The following MTR variants were observed in gnomAD, a reference collection of about 807,000 sequenced individuals.
MTR encodes the protein 5-methyltetrahydrofolate-homocysteine methyltransferase.
Under a neutral mutation model 154.8 loss-of-function variants are expected in MTR, and 84 were observed. That is an observed-to-expected ratio of 0.54 (90% confidence interval 0.45 to 0.65). MTR has a LOEUF of 0.65. Ranked by LOEUF, MTR falls within the 30% of genes least tolerant of loss-of-function variation. The pLI, the probability that MTR is intolerant of heterozygous loss-of-function variation, is 0.00. For missense variants in MTR, 1,275 were observed against 1,570.2 expected (o/e 0.81, Z 3.18); for synonymous variants, 554 against 553.9 (o/e 1.00, Z 0.00).
Position 236,885,126 on chromosome 1 carries a change from C to T in MTR, c.2682C>T (p.Ser894=), listed in dbSNP as rs779104396. ...LDASKSVVVC[S]QLLDENLKDE... The stretch of plus-strand genomic sequence containing the variant: ...TGGCTATCTTGCATTTTCAGTGTTC[C>T]CAGCTGTTAGATGAAAATCTAAAGG... The change falls in exon 26 of 33, where the codon TCC becomes TCT. Residue 894 remains serine (S), a synonymous_variant. Transcript: ENST00000366577. 1.2e-6 allele frequency: 2 copies of T among 1,602,422 alleles called. No individual in the cohort carries two copies. Among genetic ancestry groups the T allele is most frequent in the African/African-American group, 1.3e-5 (1 of 74,584 alleles).
At position 236,852,504 on chromosome 1, in the gene MTR, T is replaced by G; in HGVS notation, c.1696-17T>G. On this transcript the variant is annotated splice_polypyrimidine_tract_variant and intron_variant, in intron 16 of 32. Coordinates refer to ENST00000366577, the MANE Select transcript of MTR (RefSeq NM_000254.3). Reference sequence around the variant, plus strand: ...GCAAAAAAGGGGAATCTTTTCATATTTTAAAATTTTTGCCAGGAAACATTA... The same window carrying G: ...GCAAAAAAGGGGAATCTTTTCATATGTTAAAATTTTTGCCAGGAAACATTA... 6.3e-7 allele frequency: 1 copy of G among 1,594,154 alleles called. No individual in the cohort carries two copies. Among genetic ancestry groups the G allele is most frequent in the South Asian group, 1.1e-5 (1 of 90,690 alleles).
At chr1:236,811,858 A>C (rs2103044128) in intron 5 of MTR, among the ~76,000 whole-genome samples, 1 of 152,338 alleles carries the variant, frequency 6.6e-6, no homozygotes, top group Non-Finnish European at 1.5e-5. Context: ...ATATTGTCTC[A>C]GTCAAAGTTG....
chr1:236,836,129 C>T (rs1202125079), intron 14 of MTR, among the ~76,000 whole-genome samples: 1 of 152,048 alleles, frequency 6.6e-6, no homozygotes, highest in Non-Finnish European at 1.5e-5. Flanking sequence ...ATTATGTCAG[C>T]TTTTACATTT....
chr1:236,879,140 CAAT>C (rs1434831527), intron 24 of MTR, among the ~76,000 whole-genome samples: 4 of 152,198 alleles, frequency 2.6e-5, no homozygotes, highest in Non-Finnish European at 5.9e-5. Context: ...AAAATTACCT[CAAT>C]GATCCACATT....
At chr1:236,861,758 AAC>A (rs1268270095) in intron 20 of MTR, among the ~76,000 whole-genome samples, 1 of 152,226 alleles carries the variant, frequency 6.6e-6, no homozygotes, top group Non-Finnish European at 1.5e-5. Context: ...CACATCAGTT[AAC>A]ACATACTTGT....
intron 2 of MTR, among the ~76,000 whole-genome samples, chr1:236,804,760 T>G (rs1660883561): frequency 6.6e-6 from 1 of 152,190 alleles, no homozygotes; most frequent in Admixed American, 6.5e-5. Flanking sequence ...ACCACTGATA[T>G]TAGTTGGTGT....
At chr1:236,812,707 T>C in intron 5 of MTR, 31 bp from the exon 6 acceptor site, 1 of 1,573,698 alleles carries the variant, frequency 6.4e-7, no homozygotes, top group Non-Finnish European at 8.7e-7. Context: ...TATTGATGAC[T>C]GATGTGCTGG....
intron 22 of MTR, among the ~76,000 whole-genome samples, chr1:236,867,452 T>C (rs1033050989): frequency 9.2e-5 from 14 of 152,196 alleles, no homozygotes; most frequent in African/African-American, 3.4e-4. Context: ...ACAAGAATTC[T>C]GATAGAGATA....
At chr1:236,862,182 A>C in intron 20 of MTR, 54 bp from the exon 21 acceptor site, 1 of 1,440,524 alleles carries the variant, frequency 6.9e-7, no homozygotes, top group Non-Finnish European at 9.8e-7. Context: ...AGTGGCCATC[A>C]GCAGTTGTTC....
At chr1:236,801,312 A>T (rs1660687380) in intron 1 of MTR, among the ~76,000 whole-genome samples, 1 of 152,242 alleles carries the variant, frequency 6.6e-6, no homozygotes, top group South Asian at 2.1e-4. Flanking sequence ...GGCTTTGGAA[A>T]GGAATAGTAC....
At position 236,894,453 on chromosome 1, in the gene MTR, G is replaced by T. The variant is rs1300499137; in HGVS notation, c.3301G>T (p.Ala1101Ser). 1 of 1,614,204 alleles carries T rather than the reference G, an allele frequency of 6.2e-7. No individual in the cohort carries two copies. The highest frequency in any genetic ancestry group is 1.1e-5 in the South Asian group (1 of 91,082). ...CATCCGTGACTACCTGGGCCTGTTT[G>T]CCGTTGCCTGCTTTGGGGTAGAAGA... ...SGIRDYLGLF[A>S]VACFGVEELS... Residue 1101 changes from alanine (A) to serine (S), a missense_variant, in exon 30 of 33, where the codon GCC becomes TCC. Transcript: ENST00000366577.
intron 16 of MTR, among the ~76,000 whole-genome samples, chr1:236,850,958 C>T (rs1663865480): frequency 6.6e-6 from 1 of 152,174 alleles, no homozygotes; most frequent in Admixed American, 6.5e-5. Flanking sequence ...TCTCCTTTTC[C>T]AGTTACACCT....
At position 236,850,329 on chromosome 1, in the gene MTR, T is replaced by C; in HGVS notation, c.1516-15T>C. 8 of 1,603,904 alleles carry C rather than the reference T, an allele frequency of 5.0e-6. No homozygotes were observed. Among genetic ancestry groups the C allele is most frequent in the Non-Finnish European group, 6.8e-6 (8 of 1,173,246 alleles). On this transcript the variant is annotated splice_polypyrimidine_tract_variant and intron_variant, in intron 15 of 32. Transcript: ENST00000366577. ...TTTTTCTATTTCAAACTACATCTTT[T>C]GCTCTTTTCCCTAGGCAACAGAAAC...
At position 236,899,669 on chromosome 1, in the gene MTR, A is replaced by G. The variant is rs1020902651; in HGVS notation, c.*2025A>G. The G allele has an allele frequency of 2.0e-5, 3 of 152,254 alleles. No homozygotes were observed. Among genetic ancestry groups the G allele is most frequent in the Non-Finnish European group, 2.9e-5 (2 of 68,048 alleles). The allele number at this position is 152,254 out of a possible 1,614,324, so 9.4% of individuals were successfully genotyped here. A position where few individuals can be genotyped will look rare whatever the true frequency, so the allele number is the denominator to read the frequency against. On this transcript the variant is annotated 3_prime_UTR_variant, in exon 33 of 33. Coordinates refer to ENST00000366577, the MANE Select transcript of MTR (RefSeq NM_000254.3). ...AATTCTGTTAAAACTCAAGGCTTATATTAAGCAAACACTTGAAGTGAGAAG... is the reference window on the plus strand; with the variant it reads ...AATTCTGTTAAAACTCAAGGCTTATGTTAAGCAAACACTTGAAGTGAGAAG...
At position 236,850,398 on chromosome 1, in the gene MTR, G is replaced by A; in HGVS notation, c.1570G>A (p.Val524Met). 1 of 1,613,686 alleles carries A rather than the reference G, an allele frequency of 6.2e-7. No individual in the cohort carries two copies. The part of the protein sequence containing the change: ...RVCTRAYHLL[V>M]KKLGFNPNDI... The stretch of plus-strand genomic sequence containing the variant: ...GTGCACCCGGGCCTACCATCTGCTT[G>A]TGAAAAAACTGGGCTTTAATCCAAA... Residue 524 changes from valine to methionine, a missense_variant, in exon 16 of 33, where the codon GTG becomes ATG. By Grantham distance (21) the Val-to-Met change is conservative. Coordinates refer to ENST00000366577, the MANE Select transcript of MTR (RefSeq NM_000254.3).
chr1:236,851,397 G>T (rs974081831), intron 16 of MTR, among the ~76,000 whole-genome samples: 3 of 152,202 alleles, frequency 2.0e-5, no homozygotes, highest in Non-Finnish European at 2.9e-5. Context: ...GCACAAGAAG[G>T]CTGTGATGTT....
intron 15 of MTR, among the ~76,000 whole-genome samples, chr1:236,847,508 C>T (rs998578876): frequency 6.6e-6 from 1 of 152,248 alleles, no homozygotes; most frequent in Admixed American, 6.5e-5. Flanking sequence ...TGGTCACAGT[C>T]TAGCTTCTCT....
chr1:236,826,537 C>A (rs1402178161), intron 10 of MTR, among the ~76,000 whole-genome samples: 1 of 152,166 alleles, frequency 6.6e-6, no homozygotes, highest in African/African-American at 2.4e-5. Flanking sequence ...CTCAAGTGAT[C>A]CTCCTGCCTT....
Position 236,861,429 on chromosome 1 carries a change from A to T in MTR, c.2196+152A>T, listed in dbSNP as rs545044691. ...CCTTCTCTAAATATGTTTAGGAGTC[A>T]TGTCTGCAAGAATCCGTCTTCAGAG... On this transcript the variant is annotated intron_variant, in intron 20 of 32. Transcript: ENST00000366577. The T allele has an allele frequency of 5.8e-5, 70 of 1,209,422 alleles. No individual in the cohort carries two copies. In the East Asian group the frequency reaches 1.3e-3, roughly 22 times the overall value. The allele number at this position is 1,209,422 out of a possible 1,614,324, so 74.9% of individuals were successfully genotyped here. A position where few individuals can be genotyped will look rare whatever the true frequency, so the allele number is the denominator to read the frequency against.
Sources: gnomAD v4.1 joint callset for allele counts (sites outside exome capture counted in the v4.1 genomes callset) on GRCh38, gnomAD v4.1.1 for gene constraint, MANE v1.5 for transcripts, NCBI Gene and HGNC (gene_info 2026-07-23, HGNC 2026-07-21) for gene names.